Variants in GABRB1 observed in about 807,000 individuals in gnomAD.
GABRB1 encodes gamma-aminobutyric acid receptor subunit beta-1.
A neutral mutation model predicts 51.6 loss-of-function variants in GABRB1; 17 were observed. The ratio of observed to expected loss-of-function variants is 0.33; its 90% confidence interval spans 0.23 to 0.49. The LOEUF (loss-of-function observed/expected upper bound fraction) is 0.49. Among genes scored for constraint, GABRB1 ranks in the 20% least tolerant of loss-of-function variants. The probability of loss-of-function intolerance (pLI) is 0.99; values close to 1 mark genes in which losing one functional copy is unlikely to be tolerated. For missense variants in GABRB1, 410 were observed against 600.6 expected (o/e 0.68, Z 3.32); for synonymous variants, 247 against 218.9 (o/e 1.13, Z -1.14).
intron 5 of GABRB1, among the ~76,000 whole-genome samples, chr4:47,365,530 T>A (rs35451348): frequency 0.092 from 14,049 of 152,150 alleles, 792 homozygotes; most frequent in Non-Finnish European, 0.12. Flanking sequence ...GATGTCTTCC[T>A]TGCTCCACCC....
At chr4:47,112,164 T>G (rs1715242007) in intron 3 of GABRB1, among the ~76,000 whole-genome samples, 1 of 151,864 alleles carries the variant, frequency 6.6e-6, no homozygotes, top group Non-Finnish European at 1.5e-5. Flanking sequence ...TGTTTGTTTG[T>G]TTTTGTATTT....
intron 4 of GABRB1, among the ~76,000 whole-genome samples, chr4:47,276,518 A>G (rs1047451326): frequency 1.3e-5 from 2 of 152,110 alleles, no homozygotes; most frequent in African/African-American, 4.8e-5. Flanking sequence ...ACTCAAAAGA[A>G]AATAATTTGT....
In GABRB1 at chr4:47,026,059, A is replaced by C. The variant is rs369346122; in HGVS notation, c.-19-5855A>C. On this transcript the variant is annotated intron_variant, in intron 1 of 3. Coordinates refer to the GABRB1 transcript ENST00000513567. Reference sequence around the variant, plus strand: ...AAGAAAAAATGTTTTTGCTGGCCGCAATGGCAGCTACTCTGAAGGCCGAGG... The same window carrying C: ...AAGAAAAAATGTTTTTGCTGGCCGCCATGGCAGCTACTCTGAAGGCCGAGG... 1.0e-3 allele frequency among the ~76,000 whole-genome samples: 157 copies of C among 152,158 alleles called. 3 individuals carry two copies. The South Asian group carries it at 0.032, about 31-fold the overall frequency.
intron 3 of GABRB1, among the ~76,000 whole-genome samples, chr4:47,154,794 T>C (rs1717617948): frequency 6.6e-6 from 1 of 152,064 alleles, no homozygotes; most frequent in South Asian, 2.1e-4. Context: ...TCATTCACTC[T>C]CTAACAATAA....
intron 1 of GABRB1, among the ~76,000 whole-genome samples, chr4:47,015,185 C>T (rs1178657019): frequency 1.3e-5 from 2 of 152,200 alleles, no homozygotes; most frequent in African/African-American, 2.4e-5. Flanking sequence ...GGATTACAGG[C>T]GTGAGCCTCT....
chr4:47,077,820 AAT>A (rs1491085435), intron 3 of GABRB1, among the ~76,000 whole-genome samples: 2 of 139,990 alleles, frequency 1.4e-5, no homozygotes, highest in African/African-American at 5.3e-5. Flanking sequence ...CATATAAAAA[AAT>A]ATAATATATA....
chr4:47,046,467 A>T (rs1363922446), intron 3 of GABRB1, among the ~76,000 whole-genome samples: 1 of 152,106 alleles, frequency 6.6e-6, no homozygotes, highest in Non-Finnish European at 1.5e-5. Flanking sequence ...TTTATTTTTT[A>T]AGAAACATCC....
At chr4:47,066,401 A>G (rs1371820868) in intron 3 of GABRB1, among the ~76,000 whole-genome samples, 1 of 152,192 alleles carries the variant, frequency 6.6e-6, no homozygotes, top group African/African-American at 2.4e-5. Flanking sequence ...TTCTTTCATG[A>G]AAGACTTCTC....
chr4:46,995,643 T>C (rs1479437746), intron 1 of GABRB1, among the ~76,000 whole-genome samples: 1 of 152,150 alleles, frequency 6.6e-6, no homozygotes, highest in Admixed American at 6.5e-5. Flanking sequence ...GTATGACAGA[T>C]GTAAGCCACC....
chr4:47,076,854 C>T (rs1012283918), intron 3 of GABRB1, among the ~76,000 whole-genome samples: 10 of 152,090 alleles, frequency 6.6e-5, no homozygotes, highest in Non-Finnish European at 1.3e-4. Context: ...ATCACTTCCA[C>T]GAGGGGCCCC....
At chr4:47,016,716 G>T (rs1343010894) in intron 1 of GABRB1, among the ~76,000 whole-genome samples, 1 of 152,080 alleles carries the variant, frequency 6.6e-6, no homozygotes, top group African/African-American at 2.4e-5. Context: ...AGCCTCCTGA[G>T]CATCTGGGAT....
intron 5 of GABRB1, among the ~76,000 whole-genome samples, chr4:47,390,983 C>G (rs780099059): frequency 1.3e-5 from 2 of 152,198 alleles, no homozygotes; most frequent in Non-Finnish European, 1.5e-5. Context: ...AGAGACCAGC[C>G]TGGCCAACAT....
chr4:47,162,830 G>A (rs1206410670), intron 4 of GABRB1, among the ~76,000 whole-genome samples: 1 of 152,050 alleles, frequency 6.6e-6, no homozygotes, highest in Non-Finnish European at 1.5e-5. Context: ...TTTGTAGCTT[G>A]TTGTCTAGCG....
intron 5 of GABRB1, among the ~76,000 whole-genome samples, chr4:47,368,827 G>A (rs928352923): frequency 6.6e-6 from 1 of 151,998 alleles, no homozygotes; most frequent in Non-Finnish European, 1.5e-5. Context: ...GTTGCTCTTG[G>A]CCAGGCATGG....
At chr4:47,183,515 G>GT (rs1306218751) in intron 4 of GABRB1, among the ~76,000 whole-genome samples, 2 of 151,460 alleles carry the variant, frequency 1.3e-5, no homozygotes, top group Non-Finnish European at 3.0e-5. Context: ...TTCTGGACCT[G>GT]TGACCTGCTA....
chr4:47,221,805 A>G (rs1720777632), intron 4 of GABRB1, among the ~76,000 whole-genome samples: 1 of 151,960 alleles, frequency 6.6e-6, no homozygotes, highest in Non-Finnish European at 1.5e-5. Flanking sequence ...AGACCAATAC[A>G]TTTTCTTGTT....
Position 47,123,578 on chromosome 4 carries a change from C to T in GABRB1, c.241-37671C>T, listed in dbSNP as rs191471270. 9.1e-4 allele frequency among the ~76,000 whole-genome samples: 48 copies of T among 52,794 alleles called. 1 individual carries two copies. The highest frequency in any genetic ancestry group is 1.8e-3 in the East Asian group (2 of 1,084). The allele number at this position is 52,794 out of a possible 152,430, so 34.6% of individuals were successfully genotyped here. Reference sequence around the variant, plus strand: ...TATATTATAATATATTACATTATTTCATATATTATAATATATTACATTATT... The same window carrying T: ...TATATTATAATATATTACATTATTTTATATATTATAATATATTACATTATT... On this transcript the variant is annotated intron_variant, in intron 3 of 8. Transcript: ENST00000295454.
chr4:47,275,987 A>C (rs937628058), intron 4 of GABRB1, among the ~76,000 whole-genome samples: 16 of 152,166 alleles, frequency 1.1e-4, no homozygotes, highest in Non-Finnish European at 2.1e-4. Context: ...ACTGATTACC[A>C]TATGCATGAA....
intron 3 of GABRB1, among the ~76,000 whole-genome samples, chr4:47,047,575 C>T (rs1726153549): frequency 6.6e-6 from 1 of 152,002 alleles, no homozygotes; most frequent in Non-Finnish European, 1.5e-5. Context: ...ATCATTATTT[C>T]TAGTAACATT....
Sources: gnomAD v4.1 joint callset for allele counts (sites outside exome capture counted in the v4.1 genomes callset) on GRCh38, gnomAD v4.1.1 for gene constraint, MANE v1.5 for transcripts, NCBI Gene and HGNC (gene_info 2026-07-23, HGNC 2026-07-21) for gene names.